The following RANBP9 variants were observed in gnomAD, a reference collection of about 807,000 sequenced individuals.
RANBP9 encodes RAN binding protein 9, also known as ran-binding protein 9.
In RANBP9, 15 loss-of-function variants were observed where a neutral mutation model predicts 84.3. The ratio of observed to expected loss-of-function variants is 0.18; its 90% CI spans 0.12 to 0.27. The LOEUF is 0.27. Among genes scored for constraint, RANBP9 ranks in the 10% least tolerant of loss-of-function variants. The probability of loss-of-function intolerance (pLI) is 1.00; values close to 1 mark genes in which losing one functional copy is unlikely to be tolerated. For synonymous variants in RANBP9, 392 were observed against 349.6 expected (o/e 1.12, Z -1.35); for missense variants, 809 against 912.8 (o/e 0.89, Z 1.46).
At chr6:13,673,146 G>GA (rs957098802) in intron 2 of RANBP9, among the ~76,000 whole-genome samples, 2 of 151,624 alleles carry the variant, frequency 1.3e-5, no homozygotes, top group Non-Finnish European at 2.9e-5. Context: ...AAGAAATCAG[G>GA]AAAAAACAAA....
At chr6:13,667,387 T>C (rs947326465) in intron 2 of RANBP9, among the ~76,000 whole-genome samples, 17 of 152,206 alleles carry the variant, frequency 1.1e-4, no homozygotes, top group African/African-American at 1.9e-4. Flanking sequence ...CTTATTAAGA[T>C]TTTAATGCAT....
intron 2 of RANBP9, among the ~76,000 whole-genome samples, chr6:13,692,668 AG>A (rs1766355162): frequency 6.6e-6 from 1 of 152,130 alleles, no homozygotes; most frequent in South Asian, 2.1e-4. Flanking sequence ...CCTGGGCAAC[AG>A]GGTGAAACCC....
rs1764977482 is a variant in RANBP9, at chr6:13,637,836, T to C, written c.1645A>G (p.Arg549Gly). The C allele has an allele frequency of 1.2e-6, 2 of 1,600,376 alleles. No homozygotes were observed. The highest frequency in any genetic ancestry group is 1.3e-5 in the African/African-American group (1 of 74,300). The change falls in exon 10 of 14, where the codon AGA becomes GGA. Residue 549 changes from arginine to glycine, a missense_variant. This residue lies in a region of RANBP9 where 233 missense variants were observed against 234.4 expected (regional missense o/e 0.99). Transcript: ENST00000011619. ...VPELNSINMS[R>G]SQQVNNFTSN... Reference sequence around the variant, plus strand: ...GTGAAGTTATTAACTTGCTGTGATCTTGACATATTTATACTGTTTAGTTCT... The same window carrying C: ...GTGAAGTTATTAACTTGCTGTGATCCTGACATATTTATACTGTTTAGTTCT...
At chr6:13,682,011 G>A (rs1251156423) in intron 2 of RANBP9, among the ~76,000 whole-genome samples, 2 of 152,014 alleles carry the variant, frequency 1.3e-5, no homozygotes, top group Non-Finnish European at 2.9e-5. Flanking sequence ...ACAGGCACGT[G>A]CCACCACACC....
chr6:13,625,804 T>C (rs1267863730), intron 12 of RANBP9, 40 bp from the exon 13 acceptor site: 3 of 1,356,732 alleles, frequency 2.2e-6, no homozygotes, highest in Non-Finnish European at 3.2e-6. Flanking sequence ...TTCAAATAGT[T>C]CAACTATTAT....
chr6:13,640,722 G>A (rs1005622354), intron 8 of RANBP9, among the ~76,000 whole-genome samples: 1 of 152,160 alleles, frequency 6.6e-6, no homozygotes, highest in African/African-American at 2.4e-5. Flanking sequence ...GTAGAATGGT[G>A]GTTTCCAGGG....
intron 13 of RANBP9, among the ~76,000 whole-genome samples, chr6:13,623,509 C>T (rs150889586): frequency 3.9e-5 from 6 of 152,132 alleles, no homozygotes; most frequent in East Asian, 1.9e-4. Context: ...TAAGAATAAA[C>T]GTGTGCAAAA....
intron 2 of RANBP9, among the ~76,000 whole-genome samples, chr6:13,686,497 C>A (rs1293746504): frequency 6.6e-6 from 1 of 151,764 alleles, no homozygotes; most frequent in Non-Finnish European, 1.5e-5. Flanking sequence ...GTTGGCCAGG[C>A]TGGTCTCGAA....
At chr6:13,666,650 C>A (rs575431028) in intron 2 of RANBP9, among the ~76,000 whole-genome samples, 1 of 139,436 alleles carries the variant, frequency 7.2e-6, no homozygotes, top group South Asian at 2.3e-4. Context: ...TGGTGCATTG[C>A]CTGTAGTCCC....
chr6:13,701,260 T>C (rs1032203888), intron 1 of RANBP9, among the ~76,000 whole-genome samples: 1 of 152,182 alleles, frequency 6.6e-6, no homozygotes, highest in African/African-American at 2.4e-5. Context: ...ACTGGACAGT[T>C]GACTTCCAAT....
intron 2 of RANBP9, among the ~76,000 whole-genome samples, chr6:13,687,755 C>T (rs1227234800): frequency 6.6e-6 from 1 of 152,154 alleles, no homozygotes. Context: ...TTACAATAAC[C>T]CAACTGATCT....
intron 2 of RANBP9, among the ~76,000 whole-genome samples, chr6:13,668,255 C>A (rs1044228488): frequency 6.6e-6 from 1 of 151,986 alleles, no homozygotes; most frequent in African/African-American, 2.4e-5. Flanking sequence ...TTTTAAAACA[C>A]AAAGACAAGC....
At chr6:13,627,860 G>C (rs918028547) in intron 12 of RANBP9, among the ~76,000 whole-genome samples, 1 of 151,604 alleles carries the variant, frequency 6.6e-6, no homozygotes, top group Non-Finnish European at 1.5e-5. Flanking sequence ...GTGAAATGTC[G>C]CACTCCCAAA....
At chr6:13,692,343 T>C (rs6913705) in intron 2 of RANBP9, among the ~76,000 whole-genome samples, 2,089 of 144,348 alleles carry the variant, frequency 0.014, 51 homozygotes, top group African/African-American at 0.051. Flanking sequence ...CGAAACCAGC[T>C]TGGCCAACAT....
chr6:13,690,001 G>A (rs1358849125), intron 2 of RANBP9, among the ~76,000 whole-genome samples: 1 of 152,174 alleles, frequency 6.6e-6, no homozygotes, highest in African/African-American at 2.4e-5. Flanking sequence ...GCCCAGGTAT[G>A]TAGTAGGCTA....
chr6:13,633,199 T>C (rs1189600025), intron 11 of RANBP9, among the ~76,000 whole-genome samples: 1 of 152,124 alleles, frequency 6.6e-6, no homozygotes, highest in Non-Finnish European at 1.5e-5. Context: ...CATGCCTGGC[T>C]AATTTTTGTA....
At chr6:13,692,552 A>C (rs1266266946) in intron 2 of RANBP9, among the ~76,000 whole-genome samples, 4 of 147,114 alleles carry the variant, frequency 2.7e-5, no homozygotes, top group Admixed American at 6.8e-5. Flanking sequence ...AAAAAAAAAA[A>C]AACACAAAAA....
intron 5 of RANBP9, among the ~76,000 whole-genome samples, chr6:13,651,386 G>GTTGTT (rs765151209): frequency 8.3e-6 from 1 of 121,130 alleles, no homozygotes; most frequent in East Asian, 2.2e-4. Flanking sequence ...TGTTGTTGTT[G>GTTGTT]TTGTTTTGTT....
intron 2 of RANBP9, among the ~76,000 whole-genome samples, chr6:13,693,052 A>AT (rs1320459475): frequency 6.6e-6 from 1 of 152,214 alleles, no homozygotes; most frequent in Non-Finnish European, 1.5e-5. Context: ...TACAAATATC[A>AT]TAATTACAGT....
Sources: allele counts gnomAD v4.1 joint callset (sites outside exome capture counted in the v4.1 genomes callset), GRCh38; gene constraint gnomAD v4.1.1; regional missense constraint gnomAD v4.1.1; transcripts MANE v1.5; gene names NCBI Gene and HGNC (gene_info 2026-07-23, HGNC 2026-07-21).